The following UNC5C variants were observed in gnomAD, a reference collection of about 807,000 sequenced individuals.
UNC5C encodes unc-5 netrin receptor C, also known as netrin receptor UNC5C.
UNC5C carries 47 observed loss-of-function variants against 99.8 expected under a neutral mutation model. The ratio of observed to expected loss-of-function variants is 0.47; its 90% CI spans 0.37 to 0.60. The LOEUF (loss-of-function observed/expected upper bound fraction) is 0.60, where lower values mean the gene tolerates loss of function less well. Ranked by LOEUF, UNC5C falls within the 20% of genes least tolerant of loss-of-function variation. The probability of loss-of-function intolerance (pLI) is 0.00; values close to 1 mark genes in which losing one functional copy is unlikely to be tolerated. For synonymous variants in UNC5C, 487 were observed against 452.2 expected, an observed-to-expected ratio of 1.08 and a Z score of -0.98; for missense variants, 1,062 against 1,165.9, an observed-to-expected ratio of 0.91 and a Z score of 1.30.
In UNC5C at chr4:95,169,198, C is replaced by T; in HGVS notation, c.*36G>A. On this transcript the variant is annotated 3_prime_UTR_variant, in exon 16 of 16. Transcript: ENST00000453304. The stretch of plus-strand genomic sequence containing the variant: ...CCTGGACGGCCACAGACTCCCTGTG[C>T]ATTTTTGTCCTTCATTTCCCCTTCC... 2 of 1,609,886 alleles carry T rather than the reference C, an allele frequency of 1.2e-6. No individual in the cohort carries two copies. The highest frequency in any genetic ancestry group is 1.7e-6 in the Non-Finnish European group (2 of 1,176,798).
intron 1 of UNC5C, among the ~76,000 whole-genome samples, chr4:95,483,855 T>C (rs1721248074): frequency 6.6e-6 from 1 of 151,864 alleles, no homozygotes; most frequent in African/African-American, 2.4e-5. Flanking sequence ...CCTCCAGTTC[T>C]TGAGGAATAC....
At chr4:95,483,602 G>A (rs1283264690) in intron 1 of UNC5C, among the ~76,000 whole-genome samples, 1 of 151,786 alleles carries the variant, frequency 6.6e-6, no homozygotes, top group Non-Finnish European at 1.5e-5. Flanking sequence ...GTTCTATATT[G>A]TATTCTCATT....
At chr4:95,254,875 T>C (rs1040209481) in intron 4 of UNC5C, among the ~76,000 whole-genome samples, 1 of 152,226 alleles carries the variant, frequency 6.6e-6, no homozygotes, top group African/African-American at 2.4e-5. Context: ...CAAGTATAAA[T>C]TCCAATGTCT....
chr4:95,458,106 T>G (rs1025153230), intron 1 of UNC5C, among the ~76,000 whole-genome samples: 14 of 152,230 alleles, frequency 9.2e-5, no homozygotes, highest in African/African-American at 3.4e-4. Context: ...ATTACATAAT[T>G]TCAATGCAAG....
intron 2 of UNC5C, among the ~76,000 whole-genome samples, chr4:95,312,879 T>C (rs1329737525): frequency 2.0e-5 from 3 of 152,136 alleles, no homozygotes; most frequent in Non-Finnish European, 4.4e-5. Context: ...AGCCCTACAG[T>C]CAACGTAGCC....
intron 1 of UNC5C, among the ~76,000 whole-genome samples, chr4:95,448,217 T>TGAGA (rs1254346732): frequency 5.6e-5 from 5 of 88,524 alleles, no homozygotes; most frequent in Admixed American, 2.2e-4. Flanking sequence ...TGTGTGTGTG[T>TGAGA]GTGTGTGTGT....
rs754596311 is a variant in UNC5C at position 95,268,259 on chromosome 4, C to A, written c.594+10000G>T. Among the ~76,000 whole-genome samples, 27 of 152,116 alleles carry A rather than the reference C, an allele frequency of 1.8e-4. 1 individual carries two copies. Among genetic ancestry groups the A allele is most frequent in the Non-Finnish European group, 3.7e-4 (25 of 68,030 alleles). ...CGGCCTGTGATTTCTTTTAGTGTAACCTTTTACATAAAGTTGACTTTTTAA... is the reference window on the plus strand; with the variant it reads ...CGGCCTGTGATTTCTTTTAGTGTAAACTTTTACATAAAGTTGACTTTTTAA... On this transcript the variant is annotated intron_variant, in intron 4 of 15. Coordinates refer to ENST00000453304, the MANE Select transcript of UNC5C (RefSeq NM_003728.4).
rs1412657680 is a variant in UNC5C at position 95,194,957 on chromosome 4, G to T, written c.2136+7774C>A. Among the ~76,000 whole-genome samples the T allele has an allele frequency of 2.0e-5, 3 of 152,234 alleles. No individual in the cohort carries two copies. The East Asian group carries it at 5.8e-4, about 29-fold the overall frequency. ...GATTTCATCAGAAGATGATAAAAAT[G>T]GGGTAAATTTAGAGGCACCAAAAAT... On this transcript the variant is annotated intron_variant, in intron 12 of 15. Coordinates refer to ENST00000453304, the MANE Select transcript of UNC5C (RefSeq NM_003728.4).
chr4:95,343,174 C>T (rs1743643312), intron 1 of UNC5C, among the ~76,000 whole-genome samples: 1 of 152,060 alleles, frequency 6.6e-6, no homozygotes, highest in Non-Finnish European at 1.5e-5. Context: ...AGATGATAGC[C>T]AGGCAGTGGC....
chr4:95,344,825 A>G (rs560734443), intron 1 of UNC5C, among the ~76,000 whole-genome samples: 1 of 152,178 alleles, frequency 6.6e-6, no homozygotes, highest in Admixed American at 6.6e-5. Context: ...TGATAACCTC[A>G]AATCAGAAAA....
chr4:95,451,107 A>C (rs1399406269), intron 1 of UNC5C, among the ~76,000 whole-genome samples: 1 of 152,234 alleles, frequency 6.6e-6, no homozygotes, highest in African/African-American at 2.4e-5. Context: ...GTTGAGCATC[A>C]CTAGTAGAGT....
chr4:95,376,372 A>G (rs1744896436), intron 1 of UNC5C, among the ~76,000 whole-genome samples: 1 of 152,154 alleles, frequency 6.6e-6, no homozygotes, highest in South Asian at 2.1e-4. Flanking sequence ...AGAGACTAAA[A>G]GAAAATAGAT....
chr4:95,282,323 C>T (rs1014810329), intron 3 of UNC5C, among the ~76,000 whole-genome samples: 1 of 152,116 alleles, frequency 6.6e-6, no homozygotes, highest in Non-Finnish European at 1.5e-5. Flanking sequence ...GGAGAGAAGT[C>T]ATTGGTCTGG....
intron 3 of UNC5C, among the ~76,000 whole-genome samples, chr4:95,285,652 A>C (rs1300345325): frequency 6.6e-6 from 1 of 152,180 alleles, no homozygotes; most frequent in East Asian, 1.9e-4. Flanking sequence ...GCTGTTTTTC[A>C]AACTGAGTGT....
chr4:95,222,160 A>C, intron 7 of UNC5C: 10 of 1,309,530 alleles, frequency 7.6e-6, no homozygotes, highest in Non-Finnish European at 1.0e-5. Flanking sequence ...ACTAGGGGCA[A>C]TAACGTTAAA....
intron 1 of UNC5C, among the ~76,000 whole-genome samples, chr4:95,424,853 A>G (rs1343419307): frequency 6.6e-6 from 1 of 151,972 alleles, no homozygotes; most frequent in Admixed American, 6.6e-5. Context: ...AAACTGAGGC[A>G]CAGGGAAGTC....
intron 1 of UNC5C, among the ~76,000 whole-genome samples, chr4:95,528,002 T>A (rs1201406415): frequency 6.6e-6 from 1 of 152,076 alleles, no homozygotes; most frequent in African/African-American, 2.4e-5. Flanking sequence ...TTTTTCCAAA[T>A]GACAAAGACA....
At chr4:95,190,044 A>G (rs974262876) in intron 12 of UNC5C, among the ~76,000 whole-genome samples, 1 of 152,202 alleles carries the variant, frequency 6.6e-6, no homozygotes, top group Non-Finnish European at 1.5e-5. Context: ...ATGCACATGT[A>G]TGTTTATTGC....
At chr4:95,431,522 A>G (rs2149460378) in intron 1 of UNC5C, among the ~76,000 whole-genome samples, 1 of 152,110 alleles carries the variant, frequency 6.6e-6, no homozygotes, top group African/African-American at 2.4e-5. Flanking sequence ...TAAAATATCA[A>G]TAAAATAAGG....
Sources: allele counts gnomAD v4.1 joint callset (sites outside exome capture counted in the v4.1 genomes callset), GRCh38; gene constraint gnomAD v4.1.1; transcripts MANE v1.5; gene names NCBI Gene and HGNC (gene_info 2026-07-23, HGNC 2026-07-21).